Variants in FNIP1 observed in about 807,000 individuals in gnomAD.
FNIP1 encodes the protein folliculin interacting protein 1.
In FNIP1, 40 loss-of-function variants were observed where a neutral mutation model predicts 124.5. The observed-to-expected ratio is 0.32, with a 90% confidence interval of 0.25 to 0.42. The LOEUF (loss-of-function observed/expected upper bound fraction) is 0.42, where lower values mean the gene tolerates loss of function less well. Among genes scored for constraint, FNIP1 ranks in the 10% least tolerant of loss-of-function variants. The pLI is 1.00. For missense variants in FNIP1, 1,176 were observed against 1,403.7 expected, an observed-to-expected ratio of 0.84 and a Z score of 2.59; for synonymous variants, 472 against 470.6, an observed-to-expected ratio of 1.00 and a Z score of -0.04.
chr5:131,671,457 G>A, intron 14 of FNIP1, 48 bp downstream of exon 14: 2 of 1,389,518 alleles, frequency 1.4e-6, no homozygotes, highest in South Asian at 2.7e-5. Context: ...AAAAGAGAAT[G>A]GTACATATTT....
rs1026488004 is a variant in FNIP1 at position 131,796,882 on chromosome 5, T to A, written c.40A>T (p.Thr14Ser). 2.5e-6 allele frequency: 4 copies of A among 1,608,778 alleles called. No homozygotes were observed. Among genetic ancestry groups the A allele is most frequent in the Non-Finnish European group, 3.4e-6 (4 of 1,178,342 alleles). Residue 14 changes from threonine (T) to serine (S), a missense_variant, in exon 1 of 18, where the codon ACC becomes TCC. Physicochemically the swap from Thr to Ser is moderately conservative, Grantham distance 58 (BLOSUM62 1). Transcript: ENST00000510461. Reference protein sequence around the residue: ...TLFQKLFSKRTGLGAPGRDAR... With the variant: ...TLFQKLFSKRSGLGAPGRDAR... ...TCGCGGCCGGGCGCGCCCAGCCCGGTCCTCTTGCTGAAGAGCTTCTGGAAC... is the reference window on the plus strand; with the variant it reads ...TCGCGGCCGGGCGCGCCCAGCCCGGACCTCTTGCTGAAGAGCTTCTGGAAC...
chr5:131,680,096 A>G (rs1768033301), intron 11 of FNIP1, among the ~76,000 whole-genome samples: 1 of 152,210 alleles, frequency 6.6e-6, no homozygotes, highest in Non-Finnish European at 1.5e-5. Flanking sequence ...TGGTTACTGA[A>G]CACATGACAT....
rs1322024734 is a variant in FNIP1, at chr5:131,785,058, TCATATATATGATATATATGAC to T, written c.92+11751_92+11771del. On this transcript the variant is annotated intron_variant, in intron 1 of 17. Transcript: ENST00000510461. ...TATATGATATATATGACTATATATA[TCATATATATGATATATATGAC>T]ATATATATATGATATATATGACTAT... Among the ~76,000 whole-genome samples the T allele has an allele frequency of 1.3e-3, 17 of 12,600 alleles. 2 individuals carry two copies. Among genetic ancestry groups the T allele is most frequent in the African/African-American group, 3.6e-3 (16 of 4,484 alleles). The allele number at this position is 12,600 out of a possible 152,430, so 8.3% of individuals were successfully genotyped here.
chr5:131,705,754 A>C (rs1401470886), intron 9 of FNIP1, among the ~76,000 whole-genome samples: 1 of 152,162 alleles, frequency 6.6e-6, no homozygotes, highest in African/African-American at 2.4e-5. Flanking sequence ...ATATATAACC[A>C]AAAGTATTGA....
chr5:131,735,967 A>G (rs1377099818), intron 2 of FNIP1, among the ~76,000 whole-genome samples: 4 of 152,088 alleles, frequency 2.6e-5, no homozygotes, highest in African/African-American at 4.8e-5. Context: ...AGGTCTCATT[A>G]TGTTGCCTAG....
chr5:131,652,731 G>A (rs932811313), intron 15 of FNIP1, among the ~76,000 whole-genome samples: 3 of 152,134 alleles, frequency 2.0e-5, no homozygotes, highest in Non-Finnish European at 4.4e-5. Flanking sequence ...GGAGGCTGAG[G>A]TGGGAGGACT....
chr5:131,697,202 A>T (rs1487428792), intron 11 of FNIP1, among the ~76,000 whole-genome samples: 1 of 152,158 alleles, frequency 6.6e-6, no homozygotes, highest in Non-Finnish European at 1.5e-5. Context: ...AAAAAAATGT[A>T]GTTTTTCTAA....
At chr5:131,795,581 C>T (rs901550004) in intron 1 of FNIP1, 3 of 152,030 alleles carry the variant, frequency 2.0e-5, no homozygotes, top group Non-Finnish European at 2.9e-5. Context: ...AGGAAAAACA[C>T]TAAAGAAATG....
chr5:131,773,603 T>C (rs1259430063), intron 1 of FNIP1, among the ~76,000 whole-genome samples: 2 of 152,374 alleles, frequency 1.3e-5, no homozygotes, highest in East Asian at 3.9e-4. Flanking sequence ...CTGATGTAGA[T>C]ACCTAGAAAA....
intron 1 of FNIP1, among the ~76,000 whole-genome samples, chr5:131,757,761 T>A (rs954547440): frequency 6.6e-6 from 1 of 151,948 alleles, no homozygotes; most frequent in Non-Finnish European, 1.5e-5. Flanking sequence ...GAGTAAAACA[T>A]GAAAGCTCAC....
At chr5:131,740,379 G>A (rs1226270526) in intron 2 of FNIP1, among the ~76,000 whole-genome samples, 2 of 152,188 alleles carry the variant, frequency 1.3e-5, no homozygotes, top group Non-Finnish European at 2.9e-5. Flanking sequence ...ACTGTACGAT[G>A]CTTCGGAGTG....
intron 15 of FNIP1, among the ~76,000 whole-genome samples, chr5:131,668,195 A>T (rs552044853): frequency 5.3e-4 from 80 of 152,362 alleles, no homozygotes; most frequent in African/African-American, 1.7e-3. Context: ...CAATAAATTT[A>T]CAAGAGGTGA....
At chr5:131,664,809 T>C (rs894897062) in intron 15 of FNIP1, among the ~76,000 whole-genome samples, 2 of 150,896 alleles carry the variant, frequency 1.3e-5, no homozygotes, top group African/African-American at 4.9e-5. Context: ...ACAGATAATA[T>C]AAAATCATAA....
chr5:131,756,522 G>C (rs77623761), intron 1 of FNIP1, among the ~76,000 whole-genome samples: 3 of 152,222 alleles, frequency 2.0e-5, no homozygotes, highest in Non-Finnish European at 2.9e-5. Flanking sequence ...ATCAGAAAAA[G>C]AATTTAAAGG....
At chr5:131,727,303 A>T (rs1027534748) in intron 3 of FNIP1, among the ~76,000 whole-genome samples, 3 of 152,090 alleles carry the variant, frequency 2.0e-5, no homozygotes, top group Non-Finnish European at 4.4e-5. Flanking sequence ...GTAGGTCTTT[A>T]AGAACTTGCT....
intron 1 of FNIP1, among the ~76,000 whole-genome samples, chr5:131,787,058 T>G (rs1272951418): frequency 6.6e-6 from 1 of 152,102 alleles, no homozygotes; most frequent in African/African-American, 2.4e-5. Context: ...CAGCCAGCAT[T>G]TTGTGGGAGA....
At chr5:131,771,299 G>T (rs1468681536) in intron 1 of FNIP1, among the ~76,000 whole-genome samples, 6 of 152,118 alleles carry the variant, frequency 3.9e-5, no homozygotes, top group African/African-American at 1.4e-4. Flanking sequence ...GCACTTCTTT[G>T]AATCCCCAGG....
At chr5:131,691,498 A>T (rs6869068) in intron 11 of FNIP1, among the ~76,000 whole-genome samples, 15,333 of 152,200 alleles carry the variant, frequency 0.1, 1,789 homozygotes, top group African/African-American at 0.29. Context: ...AGCAGAAATT[A>T]TTGTAATTGA....
intron 13 of FNIP1, among the ~76,000 whole-genome samples, chr5:131,675,775 C>T (rs1767891558): frequency 6.6e-6 from 1 of 152,016 alleles, no homozygotes; most frequent in African/African-American, 2.4e-5. Context: ...TACAAAAAGG[C>T]ATAAGGAAAC....
Sources: allele counts gnomAD v4.1 joint callset (sites outside exome capture counted in the v4.1 genomes callset), GRCh38; gene constraint gnomAD v4.1.1; transcripts MANE v1.5; gene names NCBI Gene and HGNC (gene_info 2026-07-23, HGNC 2026-07-21).